The following TTLL9 variants were observed in gnomAD, a reference collection of about 807,000 sequenced individuals.
TTLL9 encodes probable tubulin polyglutamylase TTLL9.
TTLL9 carries 47 observed loss-of-function variants against 65.6 expected under a neutral mutation model. The observed-to-expected ratio is 0.72, with a 90% CI of 0.57 to 0.91. TTLL9 has a LOEUF of 0.91. TTLL9 is among the 40% of genes least tolerant of loss of function. The pLI is 0.00. For missense variants in TTLL9, 537 were observed against 568.8 expected, an observed-to-expected ratio of 0.94 and a Z score of 0.57; for synonymous variants, 179 against 204.8, an observed-to-expected ratio of 0.87 and a Z score of 1.07.
rs964843353 is a variant in TTLL9, at chr20:31,921,460, A to G, written c.574-1503A>G. ...ACTAGAAATACCATTTGACCCAGCCATCCCATTACTGGGTATATACCCAAA... is the reference window on the plus strand; with the variant it reads ...ACTAGAAATACCATTTGACCCAGCCGTCCCATTACTGGGTATATACCCAAA... On this transcript the variant is annotated intron_variant, in intron 7 of 14. Coordinates refer to ENST00000535842, the MANE Select transcript of TTLL9 (RefSeq NM_001008409.5). 2.0e-5 allele frequency among the ~76,000 whole-genome samples: 3 copies of G among 152,270 alleles called. No homozygotes were observed. In the East Asian group the frequency reaches 5.8e-4, roughly 29 times the overall value.
chr20:31,929,940 C>G (rs2063977273), intron 10 of TTLL9, among the ~76,000 whole-genome samples: 2 of 152,000 alleles, frequency 1.3e-5, no homozygotes, highest in Admixed American at 1.3e-4. Flanking sequence ...CCAGCCTGAC[C>G]AATATGGTGA....
Position 31,925,056 on chromosome 20 carries a change from A to T in TTLL9, c.705+7A>T. On this transcript the variant is annotated splice_region_variant and intron_variant, in intron 9 of 14. Coordinates refer to ENST00000535842, the MANE Select transcript of TTLL9 (RefSeq NM_001008409.5). ...CTATGTGCTGGTGATGTCGGTGAGT[A>T]ACAAAGGTGGGGGCCCTCCTCCAGC... The T allele has an allele frequency of 6.2e-7, 1 of 1,613,968 alleles. No homozygotes were observed. The highest frequency in any genetic ancestry group is 8.5e-7 in the Non-Finnish European group (1 of 1,179,952).
At chr20:31,931,456 T>C (rs536212699) in intron 10 of TTLL9, among the ~76,000 whole-genome samples, 1 of 152,304 alleles carries the variant, frequency 6.6e-6, no homozygotes, top group Admixed American at 6.5e-5. Context: ...TTGTATTTCG[T>C]GTACATACAG....
intron 2 of TTLL9, among the ~76,000 whole-genome samples, chr20:31,879,271 A>T (rs2063076056): frequency 6.6e-6 from 1 of 152,258 alleles, no homozygotes; most frequent in Non-Finnish European, 1.5e-5. Flanking sequence ...CAGTGAGCCC[A>T]GATCGCGCCA....
At chr20:31,904,243 CT>C (rs112084274) in intron 4 of TTLL9, among the ~76,000 whole-genome samples, 12,492 of 151,090 alleles carry the variant, frequency 0.083, 500 homozygotes, top group Middle Eastern at 0.22. Flanking sequence ...TGTAAATTAA[CT>C]TTTTTTAAAA....
At position 31,939,227 on chromosome 20, in the gene TTLL9, C is replaced by T. The variant is rs769012903; in HGVS notation, c.1204C>T (p.Leu402=). 6.2e-7 allele frequency: 1 copy of T among 1,613,564 alleles called. No homozygotes were observed. The highest frequency in any genetic ancestry group is 1.7e-5 in the Admixed American group (1 of 59,972). Residue 402 remains leucine (L), a synonymous_variant, in exon 14 of 15, where the codon CTG becomes TTG. Coordinates refer to ENST00000535842, the MANE Select transcript of TTLL9 (RefSeq NM_001008409.5). The stretch of plus-strand genomic sequence containing the variant: ...TAGCAGAGAGGAGGGGGCTCCTGAC[C>T]TGTCGGGAATGGGAAACTTTGTGAC... ...PVSREEGAPD[L]SGMGNFVTNT...
chr20:31,939,236 A>G lies in TTLL9; in HGVS notation c.1213A>G (p.Met405Val), dbSNP rs1391998981. Residue 405 changes from methionine (M) to valine (V), a missense_variant, in exon 14 of 15, where the codon ATG (methionine) becomes GTG (valine). By Grantham distance (21) the Met-to-Val change is conservative (BLOSUM62 1). This residue lies in a region of TTLL9 where 205 missense variants were observed against 225.9 expected (regional missense o/e 0.91). Coordinates refer to ENST00000535842, the MANE Select transcript of TTLL9 (RefSeq NM_001008409.5). ...REEGAPDLSG[M>V]GNFVTNTHLG... ...GGAGGGGGCTCCTGACCTGTCGGGA[A>G]TGGGAAACTTTGTGACCAACACACA... is the stretch of plus-strand genomic sequence containing the variant. The G allele has an allele frequency of 6.2e-7, 1 of 1,613,540 alleles. No individual in the cohort carries two copies. The highest frequency in any genetic ancestry group is 8.5e-7 in the Non-Finnish European group (1 of 1,179,810).
chr20:31,906,973 T>G (rs2063567890), intron 4 of TTLL9, among the ~76,000 whole-genome samples: 1 of 152,022 alleles, frequency 6.6e-6, no homozygotes, highest in African/African-American at 2.4e-5. Context: ...AATAGGAAAA[T>G]GGATATACTG....
chr20:31,924,297 G>A (rs2063858811), intron 8 of TTLL9, among the ~76,000 whole-genome samples: 1 of 152,116 alleles, frequency 6.6e-6, no homozygotes, highest in Admixed American at 6.6e-5. Flanking sequence ...CATGGATTGT[G>A]AGACAAAACC....
At chr20:31,938,228 A>G (rs531493785) in intron 13 of TTLL9, 58 of 456,646 alleles carry the variant, frequency 1.3e-4, no homozygotes, top group African/African-American at 1.1e-3. Flanking sequence ...ACACATTCCC[A>G]TTCCTAAACC....
intron 13 of TTLL9, 84 bp downstream of exon 13, chr20:31,937,593 G>T: frequency 8.8e-7 from 1 of 1,142,126 alleles, no homozygotes; most frequent in Non-Finnish European, 1.3e-6. Flanking sequence ...TTAGAACCTT[G>T]GGGCCTGAGT....
intron 13 of TTLL9, chr20:31,938,238 C>T (rs73102639): frequency 0.049 from 22,523 of 456,810 alleles, 967 homozygotes; most frequent in Admixed American, 0.14. Context: ...ATTCCTAAAC[C>T]ACTCACTGTG....
intron 4 of TTLL9, chr20:31,901,398 G>A (rs1424772990): frequency 1.3e-5 from 2 of 152,184 alleles, no homozygotes; most frequent in African/African-American, 4.8e-5. Flanking sequence ...GTCGGAGACT[G>A]GGAAGGTGGA....
intron 4 of TTLL9, 24 bp from the exon 5 acceptor site, chr20:31,908,567 T>TCCCCC: frequency 3.8e-6 from 6 of 1,573,828 alleles, no homozygotes; most frequent in South Asian, 1.1e-5. Context: ...ATGACCTTTA[T>TCCCCC]CCCCGCCCCC....
intron 2 of TTLL9, among the ~76,000 whole-genome samples, chr20:31,883,591 T>C (rs2063148641): frequency 6.6e-6 from 1 of 152,190 alleles, no homozygotes; most frequent in Non-Finnish European, 1.5e-5. Context: ...CCCAGGCAGA[T>C]GTAAATGTTA....
intron 10 of TTLL9, among the ~76,000 whole-genome samples, chr20:31,931,999 A>C (rs529960886): frequency 1.1e-4 from 17 of 152,260 alleles, no homozygotes; most frequent in African/African-American, 4.1e-4. Context: ...TTTCTCTATG[A>C]ATTTCATAGT....
chr20:31,890,178 T>TTTCTTTCTTTCC (rs2063284166), intron 3 of TTLL9, among the ~76,000 whole-genome samples: 1 of 135,244 alleles, frequency 7.4e-6, no homozygotes, highest in Non-Finnish European at 1.6e-5. Context: ...TCTTTCTTTC[T>TTTCTTTCTTTCC]TTCTTTCTTT....
intron 12 of TTLL9, among the ~76,000 whole-genome samples, chr20:31,936,921 C>A (rs1218309953): frequency 1.3e-5 from 2 of 151,742 alleles, no homozygotes; most frequent in African/African-American, 4.8e-5. Flanking sequence ...CATGGTGAAA[C>A]CCCATCTCTA....
intron 2 of TTLL9, chr20:31,879,637 G>A (rs1358728374): frequency 3.5e-6 from 2 of 569,082 alleles, no homozygotes; most frequent in Non-Finnish European, 6.2e-6. Flanking sequence ...AACTGCCCCA[G>A]GGTCGCGGAG....
Sources: gnomAD v4.1 joint callset for allele counts (sites outside exome capture counted in the v4.1 genomes callset) on GRCh38, gnomAD v4.1.1 for gene constraint, gnomAD v4.1.1 regional missense constraint, MANE v1.5 for transcripts, NCBI Gene and HGNC (gene_info 2026-07-23, HGNC 2026-07-21) for gene names.